The following PKP2 variants were observed in gnomAD, a reference collection of about 807,000 sequenced individuals.
PKP2 encodes the protein plakophilin 2, also known as plakophilin-2.
Under a neutral mutation model 83.4 loss-of-function variants are expected in PKP2, and 73 were observed. That is an observed-to-expected ratio of 0.88 (90% CI 0.72 to 1.06). The LOEUF is 1.06. Among genes scored for constraint, PKP2 ranks in the 50% least tolerant of loss-of-function variants. PKP2 has a pLI of 0.00. For missense variants in PKP2, 966 were observed against 1,065.4 expected (o/e 0.91, Z 1.30); for synonymous variants, 409 against 430.4 (o/e 0.95, Z 0.62).
chr12:32,895,919 C>T (rs373922883), intron 1 of PKP2, among the ~76,000 whole-genome samples: 10 of 152,318 alleles, frequency 6.6e-5, no homozygotes, highest in East Asian at 3.9e-4. Flanking sequence ...TGGACCAAAG[C>T]CTCCTAACTA....
intron 1 of PKP2, among the ~76,000 whole-genome samples, chr12:32,887,561 C>T (rs756031089): frequency 3.0e-4 from 45 of 152,326 alleles, no homozygotes; most frequent in Middle Eastern, 3.4e-3. Flanking sequence ...TCAAGCGATT[C>T]TTGTGCCTCA....
intron 7 of PKP2, among the ~76,000 whole-genome samples, 164 bp downstream of exon 7, chr12:32,823,881 G>A (rs571320347): frequency 4.6e-5 from 7 of 152,288 alleles, no homozygotes; most frequent in East Asian, 3.9e-4. Flanking sequence ...GATTACAGGC[G>A]TGAGCCACCA....
At chr12:32,892,127 C>T (rs1957079150) in intron 1 of PKP2, among the ~76,000 whole-genome samples, 1 of 151,938 alleles carries the variant, frequency 6.6e-6, no homozygotes, top group Admixed American at 6.6e-5. Flanking sequence ...CTTTCCTGAT[C>T]CCTCCTACTT....
In PKP2 at chr12:32,808,692, C is replaced by T. The variant is rs138080932; in HGVS notation, c.2014-6136G>A. ...CTTCGACCTTTGAGGCTGCTGACTT[C>T]TGAAAAGGTTTCTGTGGGGTCTTTT... On this transcript the variant is annotated intron_variant, in intron 9 of 12. Transcript: ENST00000340811. Among the ~76,000 whole-genome samples the T allele has an allele frequency of 4.0e-3, 614 of 152,296 alleles. 6 individuals carry two copies. The highest frequency in any genetic ancestry group is 0.014 in the African/African-American group (577 of 41,548).
chr12:32,873,955 T>G (rs1268503455), intron 3 of PKP2, among the ~76,000 whole-genome samples: 1 of 152,236 alleles, frequency 6.6e-6, no homozygotes. Flanking sequence ...TAATTTTTTT[T>G]GTGGTGATTC....
chr12:32,812,830 C>T (rs528245473), intron 9 of PKP2, among the ~76,000 whole-genome samples: 1 of 152,222 alleles, frequency 6.6e-6, no homozygotes, highest in South Asian at 2.1e-4. Flanking sequence ...TGGGAAAACT[C>T]ATCACTATTT....
chr12:32,853,841 G>C (rs1167402373), intron 4 of PKP2, among the ~76,000 whole-genome samples: 1 of 152,138 alleles, frequency 6.6e-6, no homozygotes. Flanking sequence ...TTAAACTACA[G>C]AAAGAAAGGC....
chr12:32,881,827 C>T (rs552245853), intron 1 of PKP2, among the ~76,000 whole-genome samples: 1 of 152,230 alleles, frequency 6.6e-6, no homozygotes, highest in South Asian at 2.1e-4. Context: ...TTGGCTGAGG[C>T]TCGCGCCTAG....
chr12:32,860,277 C>A (rs747132001), intron 4 of PKP2, among the ~76,000 whole-genome samples: 1 of 152,082 alleles, frequency 6.6e-6, no homozygotes, highest in Non-Finnish European at 1.5e-5. Flanking sequence ...CTGAGATGTG[C>A]AGAGGACCTG....
chr12:32,825,365 C>T (rs1228319909), intron 6 of PKP2, among the ~76,000 whole-genome samples: 2 of 152,068 alleles, frequency 1.3e-5, no homozygotes, highest in East Asian at 3.9e-4. Context: ...GACGGGGTTT[C>T]ACCATGTTGG....
At chr12:32,872,105 C>G (rs776320805) in intron 3 of PKP2, among the ~76,000 whole-genome samples, 4 of 152,106 alleles carry the variant, frequency 2.6e-5, no homozygotes, top group African/African-American at 9.7e-5. Context: ...CCCACTGACC[C>G]CTGAACATAT....
intron 4 of PKP2, among the ~76,000 whole-genome samples, chr12:32,852,629 A>C (rs1956710263): frequency 1.3e-5 from 2 of 152,226 alleles, no homozygotes; most frequent in African/African-American, 2.4e-5. Context: ...AGAAGAAAGT[A>C]CTCTTGATTC....
At chr12:32,807,673 T>TCCTTTCCA (rs1402040729) in intron 9 of PKP2, among the ~76,000 whole-genome samples, 7 of 152,240 alleles carry the variant, frequency 4.6e-5, no homozygotes, top group Non-Finnish European at 1.0e-4. Flanking sequence ...TAATGGTTTT[T>TCCTTTCCA]CCTTTCCACA....
intron 6 of PKP2, among the ~76,000 whole-genome samples, chr12:32,828,393 TGTGA>T (rs1482159128): frequency 6.6e-6 from 1 of 152,138 alleles, no homozygotes; most frequent in Non-Finnish European, 1.5e-5. Context: ...TTAATGACAG[TGTGA>T]GTAAATCTTA....
rs1956370226 is a variant in PKP2 at position 32,820,955 on chromosome 12, A to T, written c.2013+401T>A. 2.7e-5 allele frequency: 7 copies of T among 259,422 alleles called. No homozygotes were observed. The South Asian group carries it at 3.2e-4, about 12-fold the overall frequency. 16.1% of individuals were successfully genotyped at this position (259,422 alleles called of 1,614,324 possible). On this transcript the variant is annotated intron_variant, in intron 9 of 12. Coordinates refer to ENST00000340811, the MANE Select transcript of PKP2 (RefSeq NM_001005242.3). Reference sequence around the variant, plus strand: ...CATGGCTGTCTTTGTTACCCTATGGAGAGAGCCTTTGAGAACAAACCCAGC... The same window carrying T: ...CATGGCTGTCTTTGTTACCCTATGGTGAGAGCCTTTGAGAACAAACCCAGC...
intron 1 of PKP2, among the ~76,000 whole-genome samples, chr12:32,892,010 A>C (rs1457360326): frequency 2.0e-5 from 3 of 152,156 alleles, no homozygotes; most frequent in Non-Finnish European, 4.4e-5. Flanking sequence ...CTCACAGGCC[A>C]TATTACACAG....
At chr12:32,882,282 C>T (rs565720122) in intron 1 of PKP2, among the ~76,000 whole-genome samples, 6 of 152,092 alleles carry the variant, frequency 3.9e-5, no homozygotes, top group African/African-American at 1.2e-4. Context: ...ATTTATGGAC[C>T]GTAGCTGGAA....
At chr12:32,797,471 A>G (rs572717156) in intron 10 of PKP2, among the ~76,000 whole-genome samples, 209 of 144,482 alleles carry the variant, frequency 1.4e-3, no homozygotes, top group African/African-American at 5.2e-3. Context: ...AAGAATACAT[A>G]CTATTACCAA....
At chr12:32,852,269 C>G (rs1399586605) in intron 4 of PKP2, among the ~76,000 whole-genome samples, 1 of 152,180 alleles carries the variant, frequency 6.6e-6, no homozygotes, top group Non-Finnish European at 1.5e-5. Flanking sequence ...CCCTAACTAC[C>G]AGCAGTTTAT....
Sources: allele counts gnomAD v4.1 joint callset (sites outside exome capture counted in the v4.1 genomes callset), GRCh38; gene constraint gnomAD v4.1.1; transcripts MANE v1.5; gene names NCBI Gene and HGNC (gene_info 2026-07-23, HGNC 2026-07-21).